ELP4: variants seen among roughly 807,000 people sequenced by gnomAD.
The protein encoded by ELP4 is elongator acetyltransferase complex subunit 4, also known as elongator complex protein 4.
ELP4 carries 51 observed loss-of-function variants against 48.9 expected under a neutral mutation model. That is an observed-to-expected ratio of 1.04 (90% CI 0.83 to 1.32). The LOEUF (loss-of-function observed/expected upper bound fraction) is 1.32, where lower values mean the gene tolerates loss of function less well. ELP4 is among the 40% of genes most tolerant of loss of function. The probability of loss-of-function intolerance (pLI) is 0.00; values close to 1 mark genes in which losing one functional copy is unlikely to be tolerated. For missense variants in ELP4, 519 were observed against 514.6 expected, an observed-to-expected ratio of 1.01 and a Z score of -0.08; for synonymous variants, 210 against 189.2, an observed-to-expected ratio of 1.11 and a Z score of -0.90.
In ELP4 at chr11:31,650,083, A is replaced by C; in HGVS notation, c.1037-32A>C. The stretch of plus-strand genomic sequence containing the variant: ...TTATGCATCTGATGACAATGTTTTA[A>C]ATTTTTTTTCTTTTAATTTCTTTTC... On this transcript the variant is annotated intron_variant, in intron 8 of 9. Transcript: ENST00000640961. 5 of 913,274 alleles carry C rather than the reference A, an allele frequency of 5.5e-6. No homozygotes were observed. In the East Asian group the frequency reaches 7.4e-5, roughly 14 times the overall value. The allele number at this position is 913,274 out of a possible 1,614,324, so 56.6% of individuals were successfully genotyped here.
At chr11:31,654,000 T>A (rs535733780) in intron 9 of ELP4, 9 of 151,850 alleles carry the variant, frequency 5.9e-5, no homozygotes, top group African/African-American at 1.7e-4. Context: ...CACTTGCACT[T>A]AATAATATTT....
intron 5 of ELP4, among the ~76,000 whole-genome samples, chr11:31,611,290 C>A (rs1210523584): frequency 6.6e-6 from 1 of 152,170 alleles, no homozygotes; most frequent in Non-Finnish European, 1.5e-5. Flanking sequence ...GACCAAGGCA[C>A]TGAATTTTAA....
intron 9 of ELP4, among the ~76,000 whole-genome samples, chr11:31,755,993 T>C (rs1414019282): frequency 6.6e-6 from 1 of 152,204 alleles, no homozygotes; most frequent in Non-Finnish European, 1.5e-5. Flanking sequence ...TGAATTTTCC[T>C]ACATATCCGG....
intron 3 of ELP4, among the ~76,000 whole-genome samples, chr11:31,540,999 C>T (rs1956582075): frequency 6.6e-6 from 1 of 152,180 alleles, no homozygotes; most frequent in Non-Finnish European, 1.5e-5. Flanking sequence ...TTGTCCATAA[C>T]AGAATCCTAA....
At chr11:31,734,942 G>A (rs796131464) in intron 9 of ELP4, among the ~76,000 whole-genome samples, 1 of 152,064 alleles carries the variant, frequency 6.6e-6, no homozygotes, top group Non-Finnish European at 1.5e-5. Context: ...GTCTTCACAT[G>A]TCCTGATTTT....
chr11:31,686,842 C>T (rs1489962516), intron 9 of ELP4, among the ~76,000 whole-genome samples: 1 of 150,106 alleles, frequency 6.7e-6, no homozygotes, highest in Admixed American at 6.7e-5. Context: ...GCACTCCTGC[C>T]TGGGCAACAG....
At chr11:31,661,227 A>G (rs1320384669) in intron 9 of ELP4, among the ~76,000 whole-genome samples, 1 of 152,078 alleles carries the variant, frequency 6.6e-6, no homozygotes, top group East Asian at 1.9e-4. Flanking sequence ...AGGATTAACA[A>G]AAGTAATTTA....
rs1193053863 is a variant in ELP4, at chr11:31,789,591, AC to A, written c.*6068del. On this transcript the variant is annotated 3_prime_UTR_variant, in exon 10 of 10. Transcript: ENST00000640961. ...GGTTTTCTTTTTAAAAAAAAAAAAA[AC>A]AACTTCATGACCAACACAGATCAAA... 2.3e-5 allele frequency: 14 copies of A among 605,034 alleles called. No individual in the cohort carries two copies. Among genetic ancestry groups the A allele is most frequent in the Middle Eastern group, 3.2e-4 (1 of 3,120 alleles). 37.5% of individuals were successfully genotyped at this position (605,034 alleles called of 1,614,324 possible).
rs1956125919 is a variant in ELP4 at position 31,517,030 on chromosome 11, T to G, written c.224-3026T>G. Among the ~76,000 whole-genome samples, 5 of 152,230 alleles carry G rather than the reference T, an allele frequency of 3.3e-5. No homozygotes were observed. In the South Asian group the frequency reaches 1.0e-3, roughly 31 times the overall value. On this transcript the variant is annotated intron_variant, in intron 1 of 9. Coordinates refer to ENST00000640961, the MANE Select transcript of ELP4 (RefSeq NM_019040.5). ...CTAAGAGTTTGAAATGTTCTACATA[T>G]TGTCATGAAATTGATGTTTAGCCTC...
At chr11:31,590,505 C>T (rs902310617) in intron 3 of ELP4, among the ~76,000 whole-genome samples, 1 of 152,094 alleles carries the variant, frequency 6.6e-6, no homozygotes, top group Non-Finnish European at 1.5e-5. Context: ...AATGAGGCAA[C>T]AATTTCTTAA....
At chr11:31,781,735 G>A (rs1393451027) in intron 9 of ELP4, among the ~76,000 whole-genome samples, 1 of 151,878 alleles carries the variant, frequency 6.6e-6, no homozygotes, top group East Asian at 1.9e-4. Flanking sequence ...TTGACCTCAT[G>A]ATCCGCCTGC....
chr11:31,575,569 C>T (rs1957261330), intron 3 of ELP4, among the ~76,000 whole-genome samples: 1 of 152,120 alleles, frequency 6.6e-6, no homozygotes, highest in South Asian at 2.1e-4. Context: ...AAAGGGAAGC[C>T]CATCAGACTA....
chr11:31,515,265 T>G (rs1236069668), intron 1 of ELP4, among the ~76,000 whole-genome samples: 1 of 152,116 alleles, frequency 6.6e-6, no homozygotes, highest in Non-Finnish European at 1.5e-5. Flanking sequence ...AAAAGAAGTT[T>G]GAGAAGATAT....
In ELP4 at chr11:31,785,416, T is replaced by C. The variant is rs1432136731; in HGVS notation, c.*1892T>C. On this transcript the variant is annotated 3_prime_UTR_variant, in exon 10 of 10. Transcript: ENST00000640961. ...CAAAATACTTAATAGGTCATTGATA[T>C]ACTTCCCTGGCTACCATGTCTATAA... The C allele has an allele frequency of 2.7e-5, 5 of 186,928 alleles. No individual in the cohort carries two copies. In the East Asian group the frequency reaches 4.3e-4, roughly 16 times the overall value. The allele number at this position is 186,928 out of a possible 1,614,324, so 11.6% of individuals were successfully genotyped here.
chr11:31,612,107 C>A (rs557165026), intron 5 of ELP4, among the ~76,000 whole-genome samples: 35 of 152,156 alleles, frequency 2.3e-4, no homozygotes, highest in African/African-American at 7.2e-4. Context: ...GAGGTGAGTT[C>A]AGGTGGCAAA....
At chr11:31,758,493 A>G (rs906426902) in intron 9 of ELP4, among the ~76,000 whole-genome samples, 2 of 152,204 alleles carry the variant, frequency 1.3e-5, no homozygotes, top group African/African-American at 4.8e-5. Context: ...GGACTAGACT[A>G]TTATGACCAT....
intron 5 of ELP4, among the ~76,000 whole-genome samples, chr11:31,617,991 C>A (rs1436627451): frequency 6.6e-6 from 1 of 151,908 alleles, no homozygotes; most frequent in Admixed American, 6.6e-5. Context: ...TAAAACAGAA[C>A]CTTTTTTTGG....
At chr11:31,619,507 T>C (rs904501319) in intron 5 of ELP4, among the ~76,000 whole-genome samples, 1 of 151,982 alleles carries the variant, frequency 6.6e-6, no homozygotes, top group Non-Finnish European at 1.5e-5. Flanking sequence ...GCCCACTTTC[T>C]TCATAGATAG....
At chr11:31,519,934 ATGT>A (rs895505738) in intron 1 of ELP4, 119 bp from the exon 2 acceptor site, 16 of 784,642 alleles carry the variant, frequency 2.0e-5, no homozygotes, top group African/African-American at 3.5e-5. Flanking sequence ...GGTAATTAAA[ATGT>A]TGTTCACAAC....
Sources: allele counts gnomAD v4.1 joint callset (sites outside exome capture counted in the v4.1 genomes callset), GRCh38; gene constraint gnomAD v4.1.1; transcripts MANE v1.5; gene names NCBI Gene and HGNC (gene_info 2026-07-23, HGNC 2026-07-21).